RGS20: variants seen among roughly 807,000 people sequenced by gnomAD.
RGS20 encodes gz-selective GTPase-activating protein.
Under a neutral mutation model 33.6 loss-of-function variants are expected in RGS20, and 30 were observed. The observed-to-expected ratio is 0.89, with a 90% CI of 0.67 to 1.21. The LOEUF (loss-of-function observed/expected upper bound fraction) is 1.21. RGS20 is among the 50% of genes most tolerant of loss of function. The pLI, the probability that RGS20 is intolerant of heterozygous loss-of-function variation, is 0.00. For synonymous variants in RGS20, 208 were observed against 197.9 expected (o/e 1.05, Z -0.43); for missense variants, 472 against 502.4 (o/e 0.94, Z 0.58).
Position 53,947,848 on chromosome 8 carries a change from A to G in RGS20, c.743+1100A>G, listed in dbSNP as rs4738505. On this transcript the variant is annotated intron_variant, in intron 4 of 5. Transcript: ENST00000297313. ...CATTTATATATGCTATATATAGGAT[A>G]TAGTATATACATTTATATATGCTAT... Among the ~76,000 whole-genome samples the G allele has an allele frequency of 8.2e-4, 89 of 108,754 alleles. 1 individual carries two copies. The highest frequency in any genetic ancestry group is 2.2e-3 in the African/African-American group (58 of 26,852). The allele number at this position is 108,754 out of a possible 152,430, so 71.3% of individuals were successfully genotyped here.
At chr8:53,942,052 T>C (rs572054876) in intron 3 of RGS20, among the ~76,000 whole-genome samples, 1 of 152,222 alleles carries the variant, frequency 6.6e-6, no homozygotes, top group South Asian at 2.1e-4. Flanking sequence ...GGCCGGCAGA[T>C]CACATGAGGT....
intron 1 of RGS20, among the ~76,000 whole-genome samples, chr8:53,863,235 C>T (rs942587335): frequency 2.6e-5 from 4 of 152,102 alleles, no homozygotes; most frequent in African/African-American, 9.7e-5. Flanking sequence ...GATCCGCCCG[C>T]CTCGGCCTCC....
At chr8:53,858,362 A>G (rs1811729574) in intron 1 of RGS20, among the ~76,000 whole-genome samples, 1 of 152,170 alleles carries the variant, frequency 6.6e-6, no homozygotes, top group South Asian at 2.1e-4. Context: ...AAACCATTCT[A>G]TCAATGAAAC....
At position 53,879,316 on chromosome 8, in the gene RGS20, T is replaced by G. The variant is rs757120041; in HGVS notation, c.224T>G (p.Leu75Arg). The change falls in exon 2 of 6, where the codon CTT (leucine) becomes CGT (arginine). Residue 75 changes from leucine (L) to arginine (R), a missense_variant. Leu to Arg is a moderately radical substitution (Grantham distance 102). Transcript: ENST00000297313. The stretch of plus-strand genomic sequence containing the variant: ...GCCGCCCCGAAGCTGTTCGGCCTCC[T>G]TTCTAGCCCGCTTTCCAGCCTCGCA... The G allele has an allele frequency of 1.2e-6, 2 of 1,613,452 alleles. No individual in the cohort carries two copies. Among genetic ancestry groups the G allele is most frequent in the African/African-American group, 1.3e-5 (1 of 75,022 alleles).
intron 2 of RGS20, among the ~76,000 whole-genome samples, chr8:53,893,404 C>T (rs1475135739): frequency 1.3e-5 from 2 of 152,162 alleles, no homozygotes; most frequent in Non-Finnish European, 2.9e-5. Context: ...GGCGGAGTAG[C>T]AGGACTCTCC....
intron 5 of RGS20, 66 bp downstream of exon 4, chr8:53,954,376 G>A (rs1814799015): frequency 8.9e-7 from 1 of 1,117,726 alleles, no homozygotes. Flanking sequence ...AAAAGTAATT[G>A]CCATAGGCCG....
intron 2 of RGS20, among the ~76,000 whole-genome samples, chr8:53,892,369 A>G (rs1585893931): frequency 6.6e-6 from 1 of 152,208 alleles, no homozygotes; most frequent in African/African-American, 2.4e-5. Flanking sequence ...ATGTGTCTTT[A>G]TAGCAGCATG....
At chr8:53,901,361 C>T (rs964509368) in intron 2 of RGS20, among the ~76,000 whole-genome samples, 3 of 152,264 alleles carry the variant, frequency 2.0e-5, no homozygotes, top group African/African-American at 4.8e-5. Context: ...AACCACCGCG[C>T]CCAGCCTATA....
intron 2 of RGS20, among the ~76,000 whole-genome samples, chr8:53,926,807 G>T (rs1479106811): frequency 2.0e-5 from 3 of 152,050 alleles, no homozygotes; most frequent in African/African-American, 7.2e-5. Flanking sequence ...AGCTGCTCTG[G>T]GAGGCTGAGG....
intron 5 of RGS20, among the ~76,000 whole-genome samples, chr8:53,955,438 G>C (rs2092424135): frequency 6.6e-6 from 1 of 152,094 alleles, no homozygotes; most frequent in African/African-American, 2.4e-5. Context: ...TGCTGAAAAG[G>C]TTTTCCCCAG....
At chr8:53,875,047 C>T (rs1812168584) in intron 1 of RGS20, among the ~76,000 whole-genome samples, 1 of 152,210 alleles carries the variant, frequency 6.6e-6, no homozygotes, top group Non-Finnish European at 1.5e-5. Context: ...AATAGTTAAA[C>T]TTCCCATTTG....
chr8:53,882,150 C>T (rs1202566188), intron 2 of RGS20, among the ~76,000 whole-genome samples: 1 of 152,000 alleles, frequency 6.6e-6, no homozygotes, highest in Non-Finnish European at 1.5e-5. Context: ...GTGGGGTGGG[C>T]GTTTTGGGGA....
intron 2 of RGS20, among the ~76,000 whole-genome samples, chr8:53,912,571 G>C (rs1813374608): frequency 6.6e-6 from 1 of 151,828 alleles, no homozygotes; most frequent in Non-Finnish European, 1.5e-5. Context: ...TCCAGCTACT[G>C]TTCATCTGTC....
intron 2 of RGS20, among the ~76,000 whole-genome samples, chr8:53,938,724 AAGTGAT>A (rs1814204666): frequency 1.3e-5 from 2 of 152,160 alleles, no homozygotes; most frequent in African/African-American, 2.4e-5. Context: ...TAGCTCCATC[AAGTGAT>A]AGTATCCAAC....
At position 53,877,171 on chromosome 8, in the gene RGS20, C is replaced by T. The variant is rs1812226570; in HGVS notation, c.166-2087C>T. Among the ~76,000 whole-genome samples, 3 of 152,166 alleles carry T rather than the reference C, an allele frequency of 2.0e-5. No homozygotes were observed. The highest frequency in any genetic ancestry group is 1.3e-4 in the Admixed American group (2 of 15,278). On this transcript the variant is annotated intron_variant, in intron 1 of 5. Transcript: ENST00000297313. The surrounding 1 kb of genome is among the most constrained non-coding windows in gnomAD (Gnocchi z 5.7). ...GCTGGGCGCTCTCTTTCAGCATTTT[C>T]GGCTTTTTTCAAGCCCTTGCGTAGG...
Position 53,879,507 on chromosome 8 carries a change from G to T in RGS20, c.415G>T (p.Gly139Cys). Reference sequence around the variant, plus strand: ...GCTCGGGGCGGCGCTGGCACTGCCCGGCCGACCCTCGGGGGGTCGTCCGCT... The same window carrying T: ...GCTCGGGGCGGCGCTGGCACTGCCCTGCCGACCCTCGGGGGGTCGTCCGCT... The change falls in exon 2 of 6, where the codon GGC becomes TGC. Residue 139 changes from glycine to cysteine, a missense_variant. Around this residue, in one of 3 missense-constraint regions of RGS20, gnomAD observed 319 missense variants for 283.4 expected, o/e 1.13. Transcript: ENST00000297313. The T allele has an allele frequency of 6.5e-7, 1 of 1,541,508 alleles. No individual in the cohort carries two copies.
chr8:53,918,019 A>T (rs1018778348), intron 2 of RGS20, among the ~76,000 whole-genome samples: 1 of 152,172 alleles, frequency 6.6e-6, no homozygotes, highest in Admixed American at 6.5e-5. Flanking sequence ...CCTTCAATTA[A>T]CAGAATGTTT....
intron 1 of RGS20, among the ~76,000 whole-genome samples, chr8:53,862,972 G>T (rs1811841535): frequency 6.6e-6 from 1 of 151,860 alleles, no homozygotes; most frequent in African/African-American, 2.4e-5. Flanking sequence ...GAGAGCTCAT[G>T]ACATTTTCTT....
At chr8:53,899,700 C>A (rs1206126946) in intron 2 of RGS20, among the ~76,000 whole-genome samples, 1 of 152,222 alleles carries the variant, frequency 6.6e-6, no homozygotes. Context: ...TTCTCTCACT[C>A]AGCATCCTGT....
Sources: allele counts gnomAD v4.1 joint callset (sites outside exome capture counted in the v4.1 genomes callset), GRCh38; gene constraint gnomAD v4.1.1; regional missense constraint gnomAD v4.1.1; non-coding constraint Gnocchi (gnomAD v3.1); transcripts MANE v1.5; gene names NCBI Gene and HGNC (gene_info 2026-07-23, HGNC 2026-07-21).